The following LDB2 variants were observed in gnomAD, a reference collection of about 807,000 sequenced individuals.
LDB2 encodes LIM domain-binding protein 2.
In LDB2, 12 loss-of-function variants were observed where a neutral mutation model predicts 44.3. The ratio of observed to expected loss-of-function variants is 0.27; its 90% CI spans 0.17 to 0.44. The LOEUF is 0.44. Among genes scored for constraint, LDB2 ranks in the 20% least tolerant of loss-of-function variants. LDB2 has a pLI of 1.00. For synonymous variants in LDB2, 164 were observed against 174.8 expected (o/e 0.94, Z 0.49); for missense variants, 344 against 473.5 (o/e 0.73, Z 2.54).
chr4:16,665,267 T>TC (rs1483904532), intron 2 of LDB2, among the ~76,000 whole-genome samples: 1 of 31,214 alleles, frequency 3.2e-5, no homozygotes, highest in East Asian at 1.0e-3. Context: ...TTTTTTCATT[T>TC]CTTTTTTTTT....
chr4:16,862,668 G>C (rs901848739), intron 1 of LDB2, among the ~76,000 whole-genome samples: 15 of 130,012 alleles, frequency 1.2e-4, no homozygotes, highest in Non-Finnish European at 2.2e-4. Context: ...AAAAAAAGGA[G>C]CCCTCTGGCT....
chr4:16,629,338 C>G (rs978355217), intron 2 of LDB2, among the ~76,000 whole-genome samples: 2 of 152,148 alleles, frequency 1.3e-5, no homozygotes, highest in Non-Finnish European at 2.9e-5. Flanking sequence ...GGTCCCTGAC[C>G]CCCGTGTAGC....
At chr4:16,651,085 T>C (rs1401296836) in intron 2 of LDB2, 1 of 152,226 alleles carries the variant, frequency 6.6e-6, no homozygotes, top group East Asian at 1.9e-4. Context: ...CTAGGGACTA[T>C]CTGTATTGTT....
intron 1 of LDB2, among the ~76,000 whole-genome samples, chr4:16,811,260 A>G (rs1338676151): frequency 6.6e-6 from 1 of 152,182 alleles, no homozygotes; most frequent in East Asian, 1.9e-4. Context: ...TTGAGCACTA[A>G]TCAGGAGTCA....
At chr4:16,602,075 A>G (rs1038317286) in intron 2 of LDB2, among the ~76,000 whole-genome samples, 3 of 152,108 alleles carry the variant, frequency 2.0e-5, no homozygotes, top group African/African-American at 7.2e-5. Context: ...TATTTTCTCA[A>G]ACTAATTTAC....
At chr4:16,549,126 A>G (rs903743833) in intron 5 of LDB2, among the ~76,000 whole-genome samples, 4 of 152,324 alleles carry the variant, frequency 2.6e-5, no homozygotes, top group Non-Finnish European at 4.4e-5. Flanking sequence ...GATATCATAG[A>G]GCTAACAAGT....
At chr4:16,517,471 C>T (rs1346146995) in intron 5 of LDB2, among the ~76,000 whole-genome samples, 1 of 152,188 alleles carries the variant, frequency 6.6e-6, no homozygotes, top group Non-Finnish European at 1.5e-5. Context: ...TGGACTTTTT[C>T]CCTTTGCCTA....
At chr4:16,768,759 C>A (rs1467699475) in intron 1 of LDB2, among the ~76,000 whole-genome samples, 1 of 152,144 alleles carries the variant, frequency 6.6e-6, no homozygotes, top group Non-Finnish European at 1.5e-5. Flanking sequence ...TCAACAGTTA[C>A]AAGGCACTTA....
chr4:16,580,349 C>G (rs1238844341), intron 5 of LDB2, among the ~76,000 whole-genome samples: 1 of 152,084 alleles, frequency 6.6e-6, no homozygotes, highest in Non-Finnish European at 1.5e-5. Context: ...AACAAGTAAA[C>G]AAGTCAAATT....
intron 2 of LDB2, among the ~76,000 whole-genome samples, chr4:16,631,084 A>C (rs1439236284): frequency 7.2e-5 from 11 of 152,286 alleles, no homozygotes; most frequent in South Asian, 4.1e-4. Flanking sequence ...CCAAGTGGAC[A>C]TGATAGACAT....
At chr4:16,581,876 G>A (rs1286669179) in intron 5 of LDB2, among the ~76,000 whole-genome samples, 5 of 151,120 alleles carry the variant, frequency 3.3e-5, no homozygotes, top group Non-Finnish European at 5.9e-5. Context: ...ACCCCATATG[G>A]ATGCTGTGAG....
intron 5 of LDB2, among the ~76,000 whole-genome samples, chr4:16,567,385 C>T (rs796206448): frequency 6.6e-6 from 1 of 150,940 alleles, no homozygotes; most frequent in African/African-American, 2.5e-5. Context: ...TGTGTGTGTG[C>T]GCGTGTGTGC....
Position 16,788,073 on chromosome 4 carries a change from C to G in LDB2, c.133-28813G>C, listed in dbSNP as rs569887526. Among the ~76,000 whole-genome samples the G allele has an allele frequency of 1.0e-3, 159 of 152,314 alleles. 1 individual carries two copies. The highest frequency in any genetic ancestry group is 3.1e-3 in the African/African-American group (130 of 41,572). ...GGCTGCAGAAGTCGATCCTCCCCCC[C>G]CTCTCTGCCAGATGGGCATTCCCTG... On this transcript the variant is annotated intron_variant, in intron 1 of 7. Transcript: ENST00000304523.
At chr4:16,763,782 C>CTTA (rs1388359321) in intron 1 of LDB2, among the ~76,000 whole-genome samples, 1 of 152,126 alleles carries the variant, frequency 6.6e-6, no homozygotes, top group Non-Finnish European at 1.5e-5. Context: ...TCCTTAACTT[C>CTTA]TATGTTATAC....
At chr4:16,560,749 G>A (rs1051630944) in intron 5 of LDB2, among the ~76,000 whole-genome samples, 2 of 152,126 alleles carry the variant, frequency 1.3e-5, no homozygotes, top group African/African-American at 2.4e-5. Context: ...CCAAAGCCCG[G>A]CAGAGACACA....
intron 1 of LDB2, among the ~76,000 whole-genome samples, chr4:16,773,775 C>A (rs1771233312): frequency 6.6e-6 from 1 of 151,924 alleles, no homozygotes; most frequent in African/African-American, 2.4e-5. Flanking sequence ...TACTCTGTCA[C>A]CCAGGCTAGA....
chr4:16,522,276 T>TTGTGCGTGTGTG (rs1553878111), intron 5 of LDB2, among the ~76,000 whole-genome samples: 1 of 150,234 alleles, frequency 6.7e-6, no homozygotes, highest in Non-Finnish European at 1.5e-5. Flanking sequence ...GTGTGTGTGT[T>TTGTGCGTGTGTG]TGTGTGTGTG....
At chr4:16,689,677 G>A (rs1750150527) in intron 2 of LDB2, among the ~76,000 whole-genome samples, 1 of 152,196 alleles carries the variant, frequency 6.6e-6, no homozygotes, top group Non-Finnish European at 1.5e-5. Context: ...TCCATGTAGA[G>A]CCAGTCTGAA....
chr4:16,602,756 T>A (rs1280596249), intron 2 of LDB2, among the ~76,000 whole-genome samples: 1 of 152,092 alleles, frequency 6.6e-6, no homozygotes, highest in Non-Finnish European at 1.5e-5. Context: ...TACCTTGCAG[T>A]AGATGCTAAG....
Sources: gnomAD v4.1 joint callset for allele counts (sites outside exome capture counted in the v4.1 genomes callset) on GRCh38, gnomAD v4.1.1 for gene constraint, MANE v1.5 for transcripts, NCBI Gene and HGNC (gene_info 2026-07-23, HGNC 2026-07-21) for gene names.